Variants in B3GALT1 observed in about 807,000 individuals in gnomAD.
B3GALT1 encodes beta-1,3-galactosyltransferase 1.
In B3GALT1, 10 loss-of-function variants were observed where a neutral mutation model predicts 23.2. The ratio of observed to expected loss-of-function variants is 0.43; its 90% CI spans 0.27 to 0.73. The LOEUF is 0.73. Ranked by LOEUF, B3GALT1 falls within the 30% of genes least tolerant of loss-of-function variation. The probability of loss-of-function intolerance (pLI) is 0.21; values close to 1 mark genes in which losing one functional copy is unlikely to be tolerated. For synonymous variants in B3GALT1, 156 were observed against 141.5 expected (o/e 1.10, Z -0.73); for missense variants, 299 against 405.4 (o/e 0.74, Z 2.25).
intron 2 of B3GALT1, among the ~76,000 whole-genome samples, chr2:167,563,386 C>CA (rs1444932746): frequency 1.8e-4 from 24 of 130,014 alleles, no homozygotes; most frequent in Non-Finnish European, 2.8e-4. Context: ...CCCTCCCGGA[C>CA]GGGGCGGCTG....
At chr2:167,517,789 C>T (rs544862207) in intron 2 of B3GALT1, among the ~76,000 whole-genome samples, 1 of 152,202 alleles carries the variant, frequency 6.6e-6, no homozygotes, top group African/African-American at 2.4e-5. Context: ...AATAATTCCA[C>T]AGACAATACA....
At chr2:167,845,198 T>C (rs865972714) in intron 4 of B3GALT1, among the ~76,000 whole-genome samples, 3 of 151,510 alleles carry the variant, frequency 2.0e-5, no homozygotes, top group African/African-American at 7.3e-5. Context: ...ATCTTGGGAG[T>C]TCTAGGGCCC....
At chr2:167,796,744 C>T (rs1019346256) in intron 3 of B3GALT1, among the ~76,000 whole-genome samples, 3 of 152,054 alleles carry the variant, frequency 2.0e-5, no homozygotes, top group Non-Finnish European at 4.4e-5. Context: ...GAGTGACACA[C>T]TGCCTCAAAA....
intron 3 of B3GALT1, among the ~76,000 whole-genome samples, chr2:167,650,324 G>GTA (rs1553475351): frequency 6.8e-6 from 1 of 147,762 alleles, no homozygotes; most frequent in African/African-American, 2.5e-5. Context: ...ATGTGTGTGT[G>GTA]TATATATATA....
At chr2:167,351,726 T>C (rs1034348220) in intron 1 of B3GALT1, among the ~76,000 whole-genome samples, 1 of 152,234 alleles carries the variant, frequency 6.6e-6, no homozygotes, top group African/African-American at 2.4e-5. Flanking sequence ...TTGGAAAATA[T>C]GAAATGATTC....
At chr2:167,569,139 C>T (rs951118012) in intron 2 of B3GALT1, among the ~76,000 whole-genome samples, 7 of 151,874 alleles carry the variant, frequency 4.6e-5, no homozygotes, top group Non-Finnish European at 5.9e-5. Flanking sequence ...TACAGTAAGT[C>T]TTAAAGTCAG....
At chr2:167,436,242 C>T (rs1032057794) in intron 1 of B3GALT1, among the ~76,000 whole-genome samples, 4 of 152,134 alleles carry the variant, frequency 2.6e-5, no homozygotes, top group South Asian at 2.1e-4. Flanking sequence ...GCCTCTCCTA[C>T]GACTTCTTAC....
At chr2:167,864,690 G>T (rs2105436864) in intron 4 of B3GALT1, among the ~76,000 whole-genome samples, 1 of 152,360 alleles carries the variant, frequency 6.6e-6, no homozygotes, top group East Asian at 1.9e-4. Flanking sequence ...AAGCTTGGAA[G>T]TGGCTATTTA....
intron 1 of B3GALT1, among the ~76,000 whole-genome samples, chr2:167,472,138 G>A (rs982807669): frequency 6.6e-6 from 1 of 152,138 alleles, no homozygotes; most frequent in Non-Finnish European, 1.5e-5. Context: ...GGCTCTTCAG[G>A]AATCTGCACA....
intron 3 of B3GALT1, among the ~76,000 whole-genome samples, chr2:167,807,842 A>T: frequency 6.6e-6 from 1 of 152,212 alleles, no homozygotes; most frequent in East Asian, 1.9e-4. Flanking sequence ...TGCTTGGTGC[A>T]GAGCTGAGTT....
chr2:167,465,345 T>C (rs975419585), intron 1 of B3GALT1, among the ~76,000 whole-genome samples: 6 of 152,226 alleles, frequency 3.9e-5, no homozygotes, highest in Non-Finnish European at 7.3e-5. Flanking sequence ...TTCTTACTGC[T>C]ATAACAAAAA....
intron 1 of B3GALT1, among the ~76,000 whole-genome samples, chr2:167,386,249 C>T (rs1697927966): frequency 6.6e-6 from 1 of 151,908 alleles, no homozygotes; most frequent in Admixed American, 6.6e-5. Context: ...CCTGAGCAGG[C>T]CTTTTTTTTA....
chr2:167,727,239 C>T (rs1687332890), intron 3 of B3GALT1, among the ~76,000 whole-genome samples: 2 of 152,150 alleles, frequency 1.3e-5, no homozygotes, highest in Admixed American at 6.5e-5. Flanking sequence ...CTTTTGTTCA[C>T]ACTCTTATAG....
At chr2:167,715,706 G>A (rs1304839586) in intron 3 of B3GALT1, 15 of 1,613,128 alleles carry the variant, frequency 9.3e-6, no homozygotes, top group South Asian at 2.2e-5. Flanking sequence ...TTCTGCTGCC[G>A]CCTTCTCAAA....
At chr2:167,663,065 C>T (rs1426753523) in intron 3 of B3GALT1, among the ~76,000 whole-genome samples, 2 of 150,850 alleles carry the variant, frequency 1.3e-5, no homozygotes, top group Non-Finnish European at 3.0e-5. Flanking sequence ...CACACTAACT[C>T]ATCATCTAGC....
intron 1 of B3GALT1, among the ~76,000 whole-genome samples, chr2:167,340,858 C>G (rs1164206065): frequency 6.6e-6 from 1 of 152,126 alleles, no homozygotes; most frequent in Non-Finnish European, 1.5e-5. Context: ...TGTAAAGAAA[C>G]AGGCACTCAA....
chr2:167,343,521 G>C (rs1469295755), intron 1 of B3GALT1, among the ~76,000 whole-genome samples: 2 of 152,062 alleles, frequency 1.3e-5, no homozygotes, highest in African/African-American at 4.8e-5. Flanking sequence ...AAGGAACCAG[G>C]CTTTTTCTAG....
chr2:167,302,922 C>T (rs1696473707), intron 1 of B3GALT1, among the ~76,000 whole-genome samples: 1 of 152,016 alleles, frequency 6.6e-6, no homozygotes, highest in African/African-American at 2.4e-5. Flanking sequence ...GAAAGAAGAA[C>T]AAAGGGTTTG....
intron 2 of B3GALT1, among the ~76,000 whole-genome samples, chr2:167,608,188 C>T (rs529493621): frequency 8.7e-4 from 133 of 152,134 alleles, no homozygotes; most frequent in African/African-American, 3.0e-3. Flanking sequence ...AAAAGAAAGA[C>T]GAATTAACAA....
Sources: allele counts gnomAD v4.1 joint callset (sites outside exome capture counted in the v4.1 genomes callset), GRCh38; gene constraint gnomAD v4.1.1; transcripts MANE v1.5; gene names NCBI Gene and HGNC (gene_info 2026-07-23, HGNC 2026-07-21).